The following HS6ST3 variants were observed in gnomAD, a reference collection of about 807,000 sequenced individuals.
The protein encoded by HS6ST3 is heparan sulfate 6-O-sulfotransferase 3, also known as heparan-sulfate 6-O-sulfotransferase 3.
In HS6ST3, 12 loss-of-function variants were observed where a neutral mutation model predicts 36.7. That is an observed-to-expected ratio of 0.33 (90% CI 0.21 to 0.53). HS6ST3 has a LOEUF of 0.53. Among genes scored for constraint, HS6ST3 ranks in the 20% least tolerant of loss-of-function variants. The probability of loss-of-function intolerance (pLI) is 0.95; values close to 1 mark genes in which losing one functional copy is unlikely to be tolerated. For synonymous variants in HS6ST3, 240 were observed against 257.5 expected (o/e 0.93, Z 0.65); for missense variants, 584 against 640.9 (o/e 0.91, Z 0.96).
chr13:96,706,413 T>TTATATATATGTA (rs1555319835), intron 1 of HS6ST3, among the ~76,000 whole-genome samples: 1 of 121,058 alleles, frequency 8.3e-6, no homozygotes, highest in African/African-American at 3.5e-5. Context: ...AGAATATATT[T>TTATATATATGTA]TATATATATA....
intron 1 of HS6ST3, among the ~76,000 whole-genome samples, chr13:96,525,969 G>T (rs955714122): frequency 1.3e-5 from 2 of 152,206 alleles, no homozygotes; most frequent in African/African-American, 4.8e-5. Flanking sequence ...CCAGGACATT[G>T]TATAGATACA....
At chr13:96,244,180 T>C (rs950045131) in intron 1 of HS6ST3, among the ~76,000 whole-genome samples, 2 of 152,204 alleles carry the variant, frequency 1.3e-5, no homozygotes, top group Non-Finnish European at 2.9e-5. Flanking sequence ...ATTCAAGTTG[T>C]AAGATTTTTT....
intron 1 of HS6ST3, among the ~76,000 whole-genome samples, chr13:96,418,569 C>T (rs1226711947): frequency 6.6e-6 from 1 of 152,146 alleles, no homozygotes; most frequent in Non-Finnish European, 1.5e-5. Flanking sequence ...AGCAATCTGA[C>T]CTCCTCTTTC....
intron 1 of HS6ST3, among the ~76,000 whole-genome samples, chr13:96,465,868 T>C (rs2055810936): frequency 6.6e-6 from 1 of 152,324 alleles, no homozygotes; most frequent in South Asian, 2.1e-4. Flanking sequence ...AAAAATAATT[T>C]TAAATTTTTA....
At chr13:96,591,358 C>A (rs976775486) in intron 1 of HS6ST3, among the ~76,000 whole-genome samples, 8 of 151,764 alleles carry the variant, frequency 5.3e-5, no homozygotes, top group Non-Finnish European at 1.5e-5. Flanking sequence ...TTTTGGAGTC[C>A]TCTTCAATTT....
At chr13:96,158,838 A>T (rs549511511) in intron 1 of HS6ST3, among the ~76,000 whole-genome samples, 1 of 151,890 alleles carries the variant, frequency 6.6e-6, no homozygotes, top group Non-Finnish European at 1.5e-5. Flanking sequence ...CCCAGGAACC[A>T]GGAGGTCACT....
intron 1 of HS6ST3, among the ~76,000 whole-genome samples, chr13:96,546,014 C>T (rs907278291): frequency 1.1e-4 from 16 of 152,066 alleles, no homozygotes; most frequent in African/African-American, 3.1e-4. Flanking sequence ...TGCAGTAAAT[C>T]ATAAATGGAA....
chr13:96,716,960 C>T (rs1429606886), intron 1 of HS6ST3, among the ~76,000 whole-genome samples: 1 of 152,164 alleles, frequency 6.6e-6, no homozygotes, highest in Non-Finnish European at 1.5e-5. Flanking sequence ...GGAAGAACTC[C>T]TAGTATTTTC....
intron 1 of HS6ST3, among the ~76,000 whole-genome samples, chr13:96,256,182 G>A (rs765113171): frequency 6.6e-6 from 1 of 152,164 alleles, no homozygotes; most frequent in Non-Finnish European, 1.5e-5. Flanking sequence ...ATGCCATCAG[G>A]TGATATATGG....
intron 1 of HS6ST3, among the ~76,000 whole-genome samples, chr13:96,642,585 C>A (rs941786238): frequency 2.0e-5 from 3 of 151,760 alleles, no homozygotes; most frequent in Admixed American, 6.6e-5. Context: ...TCCTTTTATT[C>A]TTTCTGTTTC....
chr13:96,122,309 A>G (rs1161342767), intron 1 of HS6ST3, among the ~76,000 whole-genome samples: 2 of 151,916 alleles, frequency 1.3e-5, no homozygotes, highest in Admixed American at 6.6e-5. Context: ...TATGGCTTTG[A>G]TTCTGTTATC....
At chr13:96,504,118 A>AT (rs968140704) in intron 1 of HS6ST3, among the ~76,000 whole-genome samples, 2 of 152,066 alleles carry the variant, frequency 1.3e-5, no homozygotes, top group Non-Finnish European at 2.9e-5. Flanking sequence ...CAACATATAC[A>AT]TTTTTTCAGG....
At chr13:96,260,537 T>G (rs1293876473) in intron 1 of HS6ST3, among the ~76,000 whole-genome samples, 1 of 151,988 alleles carries the variant, frequency 6.6e-6, no homozygotes, top group Non-Finnish European at 1.5e-5. Flanking sequence ...ATAGTCTCGA[T>G]TTCCTGACCT....
chr13:96,425,769 T>C (rs2055583619), intron 1 of HS6ST3, among the ~76,000 whole-genome samples: 1 of 152,084 alleles, frequency 6.6e-6, no homozygotes, highest in African/African-American at 2.4e-5. Flanking sequence ...AGGTACAATT[T>C]GGTGTCCAGG....
intron 1 of HS6ST3, among the ~76,000 whole-genome samples, chr13:96,790,714 G>A (rs1053451273): frequency 6.6e-6 from 1 of 151,936 alleles, no homozygotes; most frequent in Non-Finnish European, 1.5e-5. Flanking sequence ...ACTTTTTTGA[G>A]GCCATGATGA....
At chr13:96,262,470 C>G (rs2054671066) in intron 1 of HS6ST3, among the ~76,000 whole-genome samples, 2 of 152,062 alleles carry the variant, frequency 1.3e-5, no homozygotes, top group African/African-American at 4.8e-5. Flanking sequence ...AAAATTATGA[C>G]CAAGCCTAGA....
intron 1 of HS6ST3, among the ~76,000 whole-genome samples, chr13:96,234,591 G>A (rs1217441225): frequency 6.6e-6 from 1 of 152,110 alleles, no homozygotes; most frequent in African/African-American, 2.4e-5. Flanking sequence ...CAACAGGCAA[G>A]AGAGAATGTG....
intron 1 of HS6ST3, among the ~76,000 whole-genome samples, chr13:96,146,691 C>T (rs2054059839): frequency 6.6e-6 from 1 of 152,040 alleles, no homozygotes; most frequent in Admixed American, 6.5e-5. Flanking sequence ...TTATGTCAGC[C>T]TGTAAGAAAA....
chr13:96,426,591 T>A (rs1443682084), intron 1 of HS6ST3, among the ~76,000 whole-genome samples: 1 of 152,234 alleles, frequency 6.6e-6, no homozygotes, highest in Non-Finnish European at 1.5e-5. Context: ...TAGAGGAAAT[T>A]AAAATCCGAG....
Sources: gnomAD v4.1 joint callset for allele counts (sites outside exome capture counted in the v4.1 genomes callset) on GRCh38, gnomAD v4.1.1 for gene constraint, MANE v1.5 for transcripts, NCBI Gene and HGNC (gene_info 2026-07-23, HGNC 2026-07-21) for gene names.